BRINP1: variants seen among roughly 807,000 people sequenced by gnomAD.
BRINP1 encodes the protein BMP/retinoic acid-inducible neural-specific protein 1.
Under a neutral mutation model 72.9 loss-of-function variants are expected in BRINP1, and 17 were observed. That is an observed-to-expected ratio of 0.23 (90% CI 0.16 to 0.35). The LOEUF is 0.35. Among genes scored for constraint, BRINP1 ranks in the 10% least tolerant of loss-of-function variants. The pLI is 1.00. For missense variants in BRINP1, 850 were observed against 1,001.6 expected (o/e 0.85, Z 2.04); for synonymous variants, 418 against 378.5 (o/e 1.10, Z -1.21).
At chr9:119,305,241 T>C (rs568484014) in intron 2 of BRINP1, among the ~76,000 whole-genome samples, 1 of 152,354 alleles carries the variant, frequency 6.6e-6, no homozygotes, top group South Asian at 2.1e-4. Context: ...TATCTATATT[T>C]CCAGCTAGGT....
chr9:119,206,155 T>G (rs1426711535), intron 7 of BRINP1, among the ~76,000 whole-genome samples: 2 of 151,918 alleles, frequency 1.3e-5, no homozygotes, highest in African/African-American at 2.4e-5. Context: ...GTGGCTCATA[T>G]CTATAATCCT....
At chr9:119,186,368 A>G (rs1829620597) in intron 7 of BRINP1, among the ~76,000 whole-genome samples, 1 of 152,112 alleles carries the variant, frequency 6.6e-6, no homozygotes, top group African/African-American at 2.4e-5. Context: ...CACTTTCTGG[A>G]TGCCTGAAGT....
At chr9:119,324,651 C>T (rs1831219981) in intron 1 of BRINP1, among the ~76,000 whole-genome samples, 1 of 152,032 alleles carries the variant, frequency 6.6e-6, no homozygotes, top group Non-Finnish European at 1.5e-5. Flanking sequence ...TAATGCTGAC[C>T]CTTGCTCTAA....
chr9:119,207,980 C>T (rs1829876164), intron 7 of BRINP1, among the ~76,000 whole-genome samples: 1 of 152,056 alleles, frequency 6.6e-6, no homozygotes, highest in African/African-American at 2.4e-5. Context: ...TCAGAAATGC[C>T]CCGGAAGAAT....
intron 2 of BRINP1, chr9:119,283,119 G>C (rs1411955656): frequency 2.0e-6 from 2 of 984,744 alleles, no homozygotes; most frequent in Non-Finnish European, 2.4e-6. Flanking sequence ...GCGTGAATCT[G>C]CGTTCTCACC....
At chr9:119,168,349 A>G (rs1264334425) in intron 7 of BRINP1, 125 bp from the exon 8 acceptor site, 2 of 703,286 alleles carry the variant, frequency 2.8e-6, no homozygotes, top group Non-Finnish European at 4.4e-6. Flanking sequence ...GAGCAGTGAC[A>G]ATACAGGAAG....
At chr9:119,251,720 G>A (rs767549832) in intron 2 of BRINP1, among the ~76,000 whole-genome samples, 1 of 152,070 alleles carries the variant, frequency 6.6e-6, no homozygotes, top group Non-Finnish European at 1.5e-5. Flanking sequence ...AGAGGGTGTG[G>A]GAGGCAACAA....
intron 2 of BRINP1, among the ~76,000 whole-genome samples, chr9:119,278,617 C>T (rs553766616): frequency 3.3e-5 from 5 of 152,250 alleles, no homozygotes; most frequent in East Asian, 3.9e-4. Flanking sequence ...CAGCTGGGCG[C>T]GGTGGCTCGC....
rs550067925 is a variant in BRINP1 at position 119,202,791 on chromosome 9, C to T, written c.1145+5928G>A. Among the ~76,000 whole-genome samples the T allele has an allele frequency of 1.2e-4, 18 of 152,300 alleles. No individual in the cohort carries two copies. The East Asian group carries it at 3.3e-3, about 28-fold the overall frequency. ...TCGACCCATTACTGGTCCCCATCAA[C>T]AGGTGTGGTCCGGAATTATCTTGTT... On this transcript the variant is annotated intron_variant, in intron 7 of 7. Transcript: ENST00000265922.
At chr9:119,350,302 T>C (rs1032952121) in intron 1 of BRINP1, among the ~76,000 whole-genome samples, 1 of 152,186 alleles carries the variant, frequency 6.6e-6, no homozygotes, top group African/African-American at 2.4e-5. Flanking sequence ...ATCTGACTTA[T>C]TGGGTCTGGA....
intron 2 of BRINP1, among the ~76,000 whole-genome samples, chr9:119,269,314 C>A (rs1830584366): frequency 6.6e-6 from 1 of 152,174 alleles, no homozygotes; most frequent in African/African-American, 2.4e-5. Context: ...CAGGAACTTG[C>A]AATTTCTAGA....
At chr9:119,172,423 T>C (rs1829425576) in intron 7 of BRINP1, among the ~76,000 whole-genome samples, 1 of 152,134 alleles carries the variant, frequency 6.6e-6, no homozygotes, top group African/African-American at 2.4e-5. Context: ...CTCCCAAGAC[T>C]AAACCAGGAA....
intron 7 of BRINP1, among the ~76,000 whole-genome samples, chr9:119,198,711 G>C (rs1160834882): frequency 6.9e-6 from 1 of 144,800 alleles, no homozygotes; most frequent in African/African-American, 2.6e-5. Context: ...TTGCTCTATT[G>C]CCCAGGCTTG....
intron 6 of BRINP1, 62 bp downstream of exon 6, chr9:119,213,857 T>A: frequency 7.1e-7 from 1 of 1,416,988 alleles, no homozygotes; most frequent in South Asian, 1.2e-5. Context: ...CCAGTTAGAT[T>A]AGCTCCCTTT....
chr9:119,256,539 A>T (rs1347165920), intron 2 of BRINP1, among the ~76,000 whole-genome samples: 1 of 152,238 alleles, frequency 6.6e-6, no homozygotes, highest in Non-Finnish European at 1.5e-5. Flanking sequence ...GTGCTGGAAG[A>T]GTTAGATGAA....
chr9:119,253,110 G>C (rs78426137), intron 2 of BRINP1, among the ~76,000 whole-genome samples: 2,822 of 152,232 alleles, frequency 0.019, 28 homozygotes, highest in South Asian at 0.031. Context: ...TCAGCACCAC[G>C]GACAGAGTTT....
chr9:119,315,217 G>A (rs1476697625), intron 1 of BRINP1, among the ~76,000 whole-genome samples: 3 of 151,584 alleles, frequency 2.0e-5, no homozygotes, highest in African/African-American at 2.4e-5. Flanking sequence ...TTAACAAATC[G>A]AAGGCTTGTG....
At chr9:119,337,299 A>G (rs1831356604) in intron 1 of BRINP1, among the ~76,000 whole-genome samples, 1 of 152,198 alleles carries the variant, frequency 6.6e-6, no homozygotes. Context: ...TAGACTTTAA[A>G]AAGGGAATAC....
intron 1 of BRINP1, among the ~76,000 whole-genome samples, chr9:119,338,666 A>C (rs1488116489): frequency 1.3e-5 from 2 of 150,102 alleles, no homozygotes; most frequent in South Asian, 2.1e-4. Context: ...AGGTCAGAAG[A>C]TCGAGACCAT....
Sources: gnomAD v4.1 joint callset for allele counts (sites outside exome capture counted in the v4.1 genomes callset) on GRCh38, gnomAD v4.1.1 for gene constraint, MANE v1.5 for transcripts, NCBI Gene and HGNC (gene_info 2026-07-23, HGNC 2026-07-21) for gene names.